CCDC178: variants seen among roughly 807,000 people sequenced by gnomAD.
CCDC178 encodes the protein coiled-coil domain containing 178.
A neutral mutation model predicts 117.4 loss-of-function variants in CCDC178; 126 were observed. The ratio of observed to expected loss-of-function variants is 1.07; its 90% CI spans 0.93 to 1.24. CCDC178 has a LOEUF of 1.24. Ranked by LOEUF, CCDC178 falls within the 50% of genes most tolerant of loss-of-function variation. CCDC178 has a pLI of 0.00. For synonymous variants in CCDC178, 283 were observed against 313.4 expected, an observed-to-expected ratio of 0.90 and a Z score of 1.02; for missense variants, 1,030 against 986.9, an observed-to-expected ratio of 1.04 and a Z score of -0.59.
intron 21 of CCDC178, among the ~76,000 whole-genome samples, chr18:32,976,188 T>C (rs184848604): frequency 1.3e-5 from 2 of 152,256 alleles, no homozygotes; most frequent in Middle Eastern, 3.4e-3. Flanking sequence ...AAACTTAGCA[T>C]TATTATTTGA....
At chr18:33,161,022 A>C (rs1004514755) in intron 20 of CCDC178, among the ~76,000 whole-genome samples, 1 of 152,212 alleles carries the variant, frequency 6.6e-6, no homozygotes, top group Non-Finnish European at 1.5e-5. Context: ...CACATAAGTA[A>C]ACAAATTCTC....
chr18:32,938,387 A>T (rs998893222), intron 22 of CCDC178: 17 of 235,322 alleles, frequency 7.2e-5, no homozygotes, highest in Admixed American at 3.3e-4. Context: ...TCCTTGTCCC[A>T]TTACAAAGAT....
intron 5 of CCDC178, among the ~76,000 whole-genome samples, chr18:33,379,542 C>T (rs111365114): frequency 7.1e-4 from 108 of 152,114 alleles, no homozygotes; most frequent in African/African-American, 2.3e-3. Flanking sequence ...CCTATAGGTC[C>T]CCCAGTGGCC....
intron 11 of CCDC178, among the ~76,000 whole-genome samples, chr18:33,319,620 G>A (rs1158484054): frequency 1.3e-5 from 2 of 152,196 alleles, no homozygotes; most frequent in Non-Finnish European, 2.9e-5. Flanking sequence ...TCGCCACACT[G>A]TCTTCCACAA....
chr18:32,939,225 G>A (rs1300589584), intron 22 of CCDC178, among the ~76,000 whole-genome samples: 1 of 151,762 alleles, frequency 6.6e-6, no homozygotes, highest in African/African-American at 2.4e-5. Context: ...TATTTGATAT[G>A]TGTTAATATG....
chr18:32,980,827 A>G (rs1216998945), intron 21 of CCDC178, among the ~76,000 whole-genome samples: 3 of 152,198 alleles, frequency 2.0e-5, no homozygotes, highest in African/African-American at 7.2e-5. Context: ...AATTAAACTC[A>G]TATGCTGTTC....
chr18:33,012,212 A>G (rs1381537993), intron 21 of CCDC178, among the ~76,000 whole-genome samples: 1 of 152,200 alleles, frequency 6.6e-6, no homozygotes, highest in Non-Finnish European at 1.5e-5. Context: ...GCAAAACATT[A>G]TATTATTTTC....
At chr18:33,251,060 T>C (rs2144712280) in intron 14 of CCDC178, among the ~76,000 whole-genome samples, 1 of 151,708 alleles carries the variant, frequency 6.6e-6, no homozygotes, top group Admixed American at 6.6e-5. Flanking sequence ...ATAAGCCTGG[T>C]TGAGTGGATT....
intron 12 of CCDC178, among the ~76,000 whole-genome samples, chr18:33,269,207 A>C (rs1346496261): frequency 2.0e-5 from 3 of 151,974 alleles, no homozygotes; most frequent in African/African-American, 7.2e-5. Flanking sequence ...TTGTCCAAAA[A>C]AATTACAGGC....
chr18:33,177,356 GTAAAA>G (rs942690694), intron 20 of CCDC178, among the ~76,000 whole-genome samples: 6 of 151,994 alleles, frequency 3.9e-5, no homozygotes, highest in Non-Finnish European at 8.8e-5. Context: ...AGAACTTAAA[GTAAAA>G]TAAAATAAAA....
At chr18:33,229,001 G>A (rs2059340560) in intron 15 of CCDC178, among the ~76,000 whole-genome samples, 2 of 152,152 alleles carry the variant, frequency 1.3e-5, no homozygotes, top group Admixed American at 6.6e-5. Flanking sequence ...ATCTGAGAGA[G>A]GGGATTTATT....
Position 33,318,049 on chromosome 18 carries a change from T to C in CCDC178, c.1022+5442A>G, listed in dbSNP as rs146777091. 1.7e-3 allele frequency among the ~76,000 whole-genome samples: 253 copies of C among 152,272 alleles called. 1 individual carries two copies. Among genetic ancestry groups the C allele is most frequent in the African/African-American group, 5.7e-3 (238 of 41,558 alleles). On this transcript the variant is annotated intron_variant, in intron 11 of 22. Transcript: ENST00000383096. ...GAAGCAGCACTCTGGTTCTGGGAAG[T>C]TGACTACCTATTTCCGGAAAAGATA...
intron 21 of CCDC178, among the ~76,000 whole-genome samples, chr18:33,042,223 A>C (rs1402463778): frequency 1.3e-5 from 2 of 151,972 alleles, no homozygotes; most frequent in African/African-American, 4.8e-5. Flanking sequence ...GCCACCTTGA[A>C]GAAATTATCA....
intron 11 of CCDC178, among the ~76,000 whole-genome samples, chr18:33,314,338 A>G (rs534783409): frequency 1.6e-4 from 24 of 152,108 alleles, no homozygotes; most frequent in East Asian, 1.4e-3. Flanking sequence ...TAAAAATTCA[A>G]TGGTGCCTAC....
intron 9 of CCDC178, among the ~76,000 whole-genome samples, chr18:33,338,082 A>T (rs937026382): frequency 5.3e-5 from 8 of 152,138 alleles, no homozygotes; most frequent in African/African-American, 1.9e-4. Flanking sequence ...CCATCAAAAA[A>T]TGGGCTAAGG....
intron 5 of CCDC178, among the ~76,000 whole-genome samples, chr18:33,386,976 C>T (rs1228656240): frequency 1.3e-5 from 2 of 152,138 alleles, no homozygotes; most frequent in Non-Finnish European, 2.9e-5. Flanking sequence ...CCCATCGACT[C>T]AGCCCAAAAG....
chr18:33,339,807 C>A (rs540497591), intron 9 of CCDC178, among the ~76,000 whole-genome samples: 2 of 152,216 alleles, frequency 1.3e-5, no homozygotes, highest in South Asian at 2.1e-4. Context: ...GTGCCTTTCA[C>A]CACCGGTCAT....
intron 20 of CCDC178, among the ~76,000 whole-genome samples, chr18:33,183,290 C>A (rs1013179994): frequency 6.6e-6 from 1 of 151,916 alleles, no homozygotes; most frequent in Non-Finnish European, 1.5e-5. Context: ...AGTTGTTGCG[C>A]CAAGATGCCT....
At position 33,195,990 on chromosome 18, in the gene CCDC178, T is replaced by C. The variant is rs2058925222; in HGVS notation, c.2238+15906A>G. Among the ~76,000 whole-genome samples, 5 of 152,332 alleles carry C rather than the reference T, an allele frequency of 3.3e-5. No homozygotes were observed. In the South Asian group the frequency reaches 1.0e-3, roughly 32 times the overall value. On this transcript the variant is annotated intron_variant, in intron 20 of 22. Transcript: ENST00000383096. ...GAGCAGTCTGGCCTTTGCCCTCACCTACTGGGATGACCTCTGGGCCTCTGG... is the reference window on the plus strand; with the variant it reads ...GAGCAGTCTGGCCTTTGCCCTCACCCACTGGGATGACCTCTGGGCCTCTGG...
Sources: gnomAD v4.1 joint callset for allele counts (sites outside exome capture counted in the v4.1 genomes callset) on GRCh38, gnomAD v4.1.1 for gene constraint, MANE v1.5 for transcripts, NCBI Gene and HGNC (gene_info 2026-07-23, HGNC 2026-07-21) for gene names.